SGTA: variants seen among roughly 807,000 people sequenced by gnomAD.
The protein encoded by SGTA is small glutamine-rich tetratricopeptide repeat-containing protein alpha.
In SGTA, 22 loss-of-function variants were observed where a neutral mutation model predicts 44.3. That is an observed-to-expected ratio of 0.50 (90% confidence interval 0.36 to 0.71). The LOEUF is 0.71. SGTA is among the 30% of genes least tolerant of loss of function. SGTA has a pLI of 0.00. For synonymous variants in SGTA, 174 were observed against 177.6 expected (o/e 0.98, Z 0.16); for missense variants, 341 against 435.9 (o/e 0.78, Z 1.94).
At chr19:2,779,020 A>G (rs1440437377) in intron 1 of SGTA, among the ~76,000 whole-genome samples, 2 of 152,092 alleles carry the variant, frequency 1.3e-5, no homozygotes, top group Non-Finnish European at 2.9e-5. Context: ...TGCGCACGGC[A>G]GGGGGCTGAG....
In SGTA at chr19:2,767,272, C is replaced by T. The variant is rs1339623682; in HGVS notation, c.208-52G>A. ...CTGTCCTCTCCTCCCAACCTGGCAC[C>T]CTCCGGCCTTAGCTTCCCTCGGGAC... is the stretch of plus-strand genomic sequence containing the variant. On this transcript the variant is annotated intron_variant, in intron 3 of 11. Transcript: ENST00000221566. The surrounding 1 kb of genome is among the most constrained non-coding windows in gnomAD (Gnocchi z 7.3). 4.9e-6 allele frequency: 7 copies of T among 1,437,752 alleles called. No individual in the cohort carries two copies. The highest frequency in any genetic ancestry group is 5.8e-6 in the Non-Finnish European group (6 of 1,043,062). 89.1% of individuals were successfully genotyped at this position (1,437,752 alleles called of 1,614,324 possible). A position where few individuals can be genotyped will look rare whatever the true frequency, so the allele number is the denominator to read the frequency against.
Position 2,763,629 on chromosome 19 carries a change from G to A in SGTA, c.497+24C>T. ...GGAGGGGTCCCGAGAGACTGGAAAG[G>A]CGCGGCCGTGGACAGGCACTCACCC... On this transcript the variant is annotated intron_variant, in intron 6 of 11. Coordinates refer to ENST00000221566, the MANE Select transcript of SGTA (RefSeq NM_003021.4). The surrounding 1 kb of genome is among the most constrained non-coding windows in gnomAD (Gnocchi z 5.8). 1 of 1,546,586 alleles carries A rather than the reference G, an allele frequency of 6.5e-7. No homozygotes were observed. Among genetic ancestry groups the A allele is most frequent in the South Asian group, 1.1e-5 (1 of 88,578 alleles).
chr19:2,772,367 A>G (rs894804272), intron 1 of SGTA, among the ~76,000 whole-genome samples: 2 of 152,258 alleles, frequency 1.3e-5, no homozygotes, highest in Admixed American at 6.5e-5. Context: ...GACTAAAGCC[A>G]CAAACACCTA....
chr19:2,781,239 T>G (rs1599511467), intron 1 of SGTA, among the ~76,000 whole-genome samples: 1 of 152,328 alleles, frequency 6.6e-6, no homozygotes, highest in Admixed American at 6.5e-5. Context: ...TTGGAATCAT[T>G]CACCCTTCTA....
At chr19:2,779,955 G>A (rs1043285994) in intron 1 of SGTA, among the ~76,000 whole-genome samples, 4 of 151,996 alleles carry the variant, frequency 2.6e-5, no homozygotes, top group African/African-American at 9.7e-5. Context: ...CTGATGTGGC[G>A]GCACACACTA....
Position 2,767,445 on chromosome 19 carries a change from C to T in SGTA, c.207+135G>A, listed in dbSNP as rs1915176915. 4 of 810,856 alleles carry T rather than the reference C, an allele frequency of 4.9e-6. No individual in the cohort carries two copies. Among genetic ancestry groups the T allele is most frequent in the African/African-American group, 1.7e-5 (1 of 58,804 alleles). 50.2% of individuals were successfully genotyped at this position (810,856 alleles called of 1,614,324 possible). A position where few individuals can be genotyped will look rare whatever the true frequency, so the allele number is the denominator to read the frequency against. ...GAGGAGGGCCAAGTGCTCCTGCAGC[C>T]ACGTCCCCAGCCCAGGAGAGGATGC... On this transcript the variant is annotated intron_variant, in intron 3 of 11. Transcript: ENST00000221566. This position sits in a 1 kb window ranked among gnomAD's most constrained non-coding sequence, Gnocchi z 7.3.
rs183445261 is a variant in SGTA at position 2,765,930 on chromosome 19, A to C, written c.293-645T>G. Among the ~76,000 whole-genome samples the C allele has an allele frequency of 5.7e-4, 87 of 152,366 alleles. No homozygotes were observed. Among genetic ancestry groups the C allele is most frequent in the African/African-American group, 2.0e-3 (82 of 41,588 alleles). On this transcript the variant is annotated intron_variant, in intron 4 of 11. Transcript: ENST00000221566. The surrounding 1 kb of genome is among the most constrained non-coding windows in gnomAD (Gnocchi z 5.5). The stretch of plus-strand genomic sequence containing the variant: ...CATGCCACAAAGCTTACGCTTTAAA[A>C]ATATAAGCCCGGGCGCGGTGGCTCA...
In SGTA at chr19:2,782,030, C is replaced by T. The variant is rs573294259; in HGVS notation, c.-24+1203G>A. On this transcript the variant is annotated intron_variant, in intron 1 of 11. Transcript: ENST00000221566. ...CTAATTTTCATATTTTCAGTAGAGA[C>T]GGGGTTTCACCACGTTGGCTAGGCT... Among the ~76,000 whole-genome samples, 9 of 152,212 alleles carry T rather than the reference C, an allele frequency of 5.9e-5. No individual in the cohort carries two copies. The East Asian group carries it at 1.5e-3, about 26-fold the overall frequency.
intron 11 of SGTA, among the ~76,000 whole-genome samples, chr19:2,757,016 G>A (rs1035018024): frequency 6.6e-6 from 1 of 152,198 alleles, no homozygotes; most frequent in Non-Finnish European, 1.5e-5. Flanking sequence ...CCTTAGGCAG[G>A]GGGGACCCCA....
intron 2 of SGTA, among the ~76,000 whole-genome samples, chr19:2,768,254 GCCT>G (rs1411517956): frequency 6.6e-6 from 1 of 152,102 alleles, no homozygotes; most frequent in East Asian, 1.9e-4. Context: ...AGCCCTGGCC[GCCT>G]CCTCGTGTGG....
Position 2,754,812 on chromosome 19 carries a change from C to T in SGTA, c.*1128G>A, listed in dbSNP as rs13282. The T allele has an allele frequency of 0.22, 33,287 of 152,026 alleles. 3,970 individuals carry two copies. Among genetic ancestry groups the T allele is most frequent in the East Asian group, 0.51 (2,581 of 5,092 alleles). The allele number at this position is 152,026 out of a possible 1,614,324, so 9.4% of individuals were successfully genotyped here. A position where few individuals can be genotyped will look rare whatever the true frequency, so the allele number is the denominator to read the frequency against. On this transcript the variant is annotated 3_prime_UTR_variant, in exon 12 of 12. Coordinates refer to ENST00000221566, the MANE Select transcript of SGTA (RefSeq NM_003021.4). The surrounding 1 kb of genome is among the most constrained non-coding windows in gnomAD (Gnocchi z 4.4). ...GCCATGAGCGGCTGCAGGGCCGCGG[C>T]GGCCCCCGTTCCTACTGCTACCTAC...
Position 2,763,204 on chromosome 19 carries a change from C to CAG in SGTA, c.497+447_497+448dup, listed in dbSNP as rs1157908177. Among the ~76,000 whole-genome samples the CAG allele has an allele frequency of 6.6e-6, 1 of 152,188 alleles. No homozygotes were observed. Among genetic ancestry groups the CAG allele is most frequent in the African/African-American group, 2.4e-5 (1 of 41,454 alleles). On this transcript the variant is annotated intron_variant, in intron 6 of 11. Transcript: ENST00000221566. This position sits in a 1 kb window ranked among gnomAD's most constrained non-coding sequence, Gnocchi z 5.8. Reference sequence around the variant, plus strand: ...CCCACAAACTCTGAGCAAGGGCATTCAGAGAAGCAGGCGAATGCACGCTTA... The same window carrying CAG: ...CCCACAAACTCTGAGCAAGGGCATTCAGAGAGAAGCAGGCGAATGCACGCTTA...
In SGTA at chr19:2,765,093, A is replaced by C; in HGVS notation, c.392+93T>G. 13 of 816,270 alleles carry C rather than the reference A, an allele frequency of 1.6e-5. No individual in the cohort carries two copies. Among genetic ancestry groups the C allele is most frequent in the Non-Finnish European group, 2.5e-5 (12 of 473,524 alleles). 50.6% of individuals were successfully genotyped at this position (816,270 alleles called of 1,614,324 possible). A position where few individuals can be genotyped will look rare whatever the true frequency, so the allele number is the denominator to read the frequency against. ...TGAATGGATCCCTCATCTACAGCGC[A>C]GAGGCCTCTCCCATCTCAGGTCCCT... On this transcript the variant is annotated intron_variant, in intron 5 of 11. Transcript: ENST00000221566. This position sits in a 1 kb window ranked among gnomAD's most constrained non-coding sequence, Gnocchi z 5.5.
intron 1 of SGTA, among the ~76,000 whole-genome samples, chr19:2,771,819 G>A (rs905261249): frequency 6.6e-6 from 1 of 152,236 alleles, no homozygotes; most frequent in African/African-American, 2.4e-5. Flanking sequence ...GGCAGCCCTT[G>A]GGGAGGCCCT....
At chr19:2,762,808 C>A (rs892338291) in intron 6 of SGTA, among the ~76,000 whole-genome samples, 164 bp from the exon 7 acceptor site, 1 of 152,136 alleles carries the variant, frequency 6.6e-6, no homozygotes, top group Non-Finnish European at 1.5e-5. Flanking sequence ...TTTCGAGGGG[C>A]CCAGGGGCAG....
chr19:2,774,446 T>C (rs962803353), intron 1 of SGTA, among the ~76,000 whole-genome samples: 1 of 152,162 alleles, frequency 6.6e-6, no homozygotes, highest in Non-Finnish European at 1.5e-5. Flanking sequence ...CAGCTTCTTT[T>C]ATAAGAAAAC....
In SGTA at chr19:2,755,972, T is replaced by G; in HGVS notation, c.*7-39A>C. On this transcript the variant is annotated intron_variant, in intron 11 of 11. Coordinates refer to ENST00000221566, the MANE Select transcript of SGTA (RefSeq NM_003021.4). This position sits in a 1 kb window ranked among gnomAD's most constrained non-coding sequence, Gnocchi z 5.2. ...GACATGAAGGCTGTCAGAGCGCAGG[T>G]GGGGACCAAGGCTGCACCACACACT... 1 of 981,124 alleles carries G rather than the reference T, an allele frequency of 1.0e-6. No individual in the cohort carries two copies. Among genetic ancestry groups the G allele is most frequent in the Non-Finnish European group, 1.2e-6 (1 of 826,326 alleles). The allele number at this position is 981,124 out of a possible 1,614,324, so 60.8% of individuals were successfully genotyped here.
At chr19:2,764,736 T>C (rs1160092683) in intron 5 of SGTA, among the ~76,000 whole-genome samples, 1 of 152,088 alleles carries the variant, frequency 6.6e-6, no homozygotes, top group Non-Finnish European at 1.5e-5. Context: ...CCGGCTAATT[T>C]TGTATTTTTA....
chr19:2,770,298 G>C (rs1343487375), intron 1 of SGTA: 1 of 153,006 alleles, frequency 6.5e-6, no homozygotes, highest in Non-Finnish European at 1.5e-5. Context: ...GGAATCTGGA[G>C]CTGTAGTCTA....
Sources: gnomAD v4.1 joint callset for allele counts (sites outside exome capture counted in the v4.1 genomes callset) on GRCh38, gnomAD v4.1.1 for gene constraint, Gnocchi (gnomAD v3.1) non-coding constraint, MANE v1.5 for transcripts, NCBI Gene and HGNC (gene_info 2026-07-23, HGNC 2026-07-21) for gene names.